The following SPATS2L variants were observed in gnomAD, a reference collection of about 807,000 sequenced individuals.
SPATS2L encodes the protein SPATS2-like protein.
A neutral mutation model predicts 59.6 loss-of-function variants in SPATS2L; 30 were observed. The observed-to-expected ratio is 0.50, with a 90% CI of 0.38 to 0.68. SPATS2L has a LOEUF of 0.68. Ranked by LOEUF, SPATS2L falls within the 30% of genes least tolerant of loss-of-function variation. SPATS2L has a pLI of 0.00. For missense variants in SPATS2L, 615 were observed against 700.0 expected, an observed-to-expected ratio of 0.88 and a Z score of 1.37; for synonymous variants, 252 against 263.5, an observed-to-expected ratio of 0.96 and a Z score of 0.42.
intron 2 of SPATS2L, among the ~76,000 whole-genome samples, chr2:200,385,290 G>A (rs978164705): frequency 8.5e-5 from 13 of 152,194 alleles, no homozygotes; most frequent in African/African-American, 2.9e-4. Flanking sequence ...GCACCTTAGA[G>A]GGCTGAGGCT....
chr2:200,471,485 C>T (rs950938846), intron 11 of SPATS2L, among the ~76,000 whole-genome samples: 2 of 152,098 alleles, frequency 1.3e-5, no homozygotes. Flanking sequence ...CTTCAAGTGC[C>T]ATCTAGTGGG....
intron 1 of SPATS2L, among the ~76,000 whole-genome samples, chr2:200,314,712 G>A (rs76383690): frequency 0.032 from 4,810 of 152,260 alleles, 81 homozygotes; most frequent in Middle Eastern, 0.078. Context: ...GAATAGAGGC[G>A]AGATGATAGA....
intron 6 of SPATS2L, among the ~76,000 whole-genome samples, chr2:200,433,300 G>A (rs1025347657): frequency 2.6e-5 from 4 of 151,976 alleles, no homozygotes; most frequent in African/African-American, 4.8e-5. Flanking sequence ...GAACATAGAC[G>A]ATTTGAACAA....
At chr2:200,466,464 A>G (rs1422682577) in intron 9 of SPATS2L, among the ~76,000 whole-genome samples, 1 of 152,242 alleles carries the variant, frequency 6.6e-6, no homozygotes, top group African/African-American at 2.4e-5. Flanking sequence ...TCTTTTGGGA[A>G]ACACGTGTAT....
At chr2:200,341,278 T>A (rs2080316587) in intron 2 of SPATS2L, among the ~76,000 whole-genome samples, 2 of 152,300 alleles carry the variant, frequency 1.3e-5, no homozygotes, top group Admixed American at 1.3e-4. Flanking sequence ...ACCTAGGCAG[T>A]GTGACTTCAG....
chr2:200,443,639 G>A (rs1035724030), intron 8 of SPATS2L, among the ~76,000 whole-genome samples: 2 of 152,234 alleles, frequency 1.3e-5, no homozygotes, highest in South Asian at 4.1e-4. Context: ...CAAGCATTTC[G>A]TGTAGTTGAG....
intron 2 of SPATS2L, among the ~76,000 whole-genome samples, chr2:200,375,844 C>G (rs1381795378): frequency 6.6e-6 from 1 of 152,146 alleles, no homozygotes; most frequent in African/African-American, 2.4e-5. Flanking sequence ...CCAGGCTGCT[C>G]TCGAACTCCT....
At chr2:200,471,789 T>C (rs6760459) in intron 11 of SPATS2L, among the ~76,000 whole-genome samples, 2,924 of 152,288 alleles carry the variant, frequency 0.019, 81 homozygotes, top group African/African-American at 0.064. Flanking sequence ...ATTTCTCCTG[T>C]ATTGTGATTC....
chr2:200,326,926 T>TA (rs1491389275), intron 1 of SPATS2L, among the ~76,000 whole-genome samples: 3 of 136,732 alleles, frequency 2.2e-5, no homozygotes, highest in East Asian at 2.1e-4. Flanking sequence ...TTTTTTTTTT[T>TA]AGCAGAGTTG....
chr2:200,330,378 A>G (rs2079898154), intron 2 of SPATS2L, among the ~76,000 whole-genome samples: 1 of 152,214 alleles, frequency 6.6e-6, no homozygotes. Flanking sequence ...GATGATTGTA[A>G]CTTTTTGAAA....
At chr2:200,380,106 C>T (rs1291490077) in intron 2 of SPATS2L, among the ~76,000 whole-genome samples, 1 of 152,100 alleles carries the variant, frequency 6.6e-6, no homozygotes. Context: ...AAAAACCATG[C>T]CGTAGGTGAA....
chr2:200,434,415 G>T (rs2084141799), intron 6 of SPATS2L, among the ~76,000 whole-genome samples: 1 of 151,838 alleles, frequency 6.6e-6, no homozygotes, highest in Non-Finnish European at 1.5e-5. Flanking sequence ...GATTGGAAAA[G>T]AAGAAGTTAG....
intron 2 of SPATS2L, among the ~76,000 whole-genome samples, chr2:200,376,136 A>G (rs2081591596): frequency 6.6e-6 from 1 of 152,228 alleles, no homozygotes; most frequent in Non-Finnish European, 1.5e-5. Context: ...GAGAAAGGCA[A>G]AGTGGAATTT....
intron 2 of SPATS2L, among the ~76,000 whole-genome samples, chr2:200,349,507 A>G (rs1482320426): frequency 6.6e-6 from 1 of 152,218 alleles, no homozygotes; most frequent in African/African-American, 2.4e-5. Context: ...ATGTGATGGC[A>G]CATGCCTGTA....
intron 2 of SPATS2L, among the ~76,000 whole-genome samples, chr2:200,343,750 C>G (rs565941122): frequency 6.6e-6 from 1 of 152,146 alleles, no homozygotes; most frequent in Non-Finnish European, 1.5e-5. Context: ...AAATACTGTT[C>G]AGCCACAGTA....
chr2:200,409,058 C>T (rs987983880), intron 3 of SPATS2L, among the ~76,000 whole-genome samples: 1 of 152,196 alleles, frequency 6.6e-6, no homozygotes, highest in Non-Finnish European at 1.5e-5. Flanking sequence ...AGTCCTTTAG[C>T]GGGGCAGTCA....
At chr2:200,370,814 G>A (rs1360131471) in intron 2 of SPATS2L, among the ~76,000 whole-genome samples, 1 of 152,160 alleles carries the variant, frequency 6.6e-6, no homozygotes, top group Non-Finnish European at 1.5e-5. Flanking sequence ...AATGGCATAA[G>A]TGACATAAAT....
intron 1 of SPATS2L, among the ~76,000 whole-genome samples, chr2:200,314,321 C>T (rs1412918916): frequency 6.6e-6 from 1 of 152,184 alleles, no homozygotes; most frequent in Non-Finnish European, 1.5e-5. Flanking sequence ...TTCAGACTCT[C>T]TTGAATCTGC....
chr2:200,475,653 A>T (rs1190862498), intron 12 of SPATS2L, among the ~76,000 whole-genome samples: 1 of 152,158 alleles, frequency 6.6e-6, no homozygotes. Flanking sequence ...CCTTCAGCTT[A>T]GTGATTTGGG....
Sources: gnomAD v4.1 joint callset for allele counts (sites outside exome capture counted in the v4.1 genomes callset) on GRCh38, gnomAD v4.1.1 for gene constraint, MANE v1.5 for transcripts, NCBI Gene and HGNC (gene_info 2026-07-23, HGNC 2026-07-21) for gene names.